Variants in XG observed in about 807,000 individuals in gnomAD.
XG encodes the protein Xg glycoprotein (Xg blood group), also known as glycoprotein Xg.
In XG, 24 loss-of-function variants were observed where a neutral mutation model predicts 25.7. The observed-to-expected ratio is 0.93, with a 90% CI of 0.68 to 1.31. The LOEUF is 1.31. Ranked by LOEUF, XG falls within the 40% of genes most tolerant of loss-of-function variation. The pLI is 0.00. For synonymous variants in XG, 77 were observed against 69.2 expected, an observed-to-expected ratio of 1.11 and a Z score of -0.56; for missense variants, 181 against 187.6, an observed-to-expected ratio of 0.96 and a Z score of 0.21.
At chrX:2,765,877 T>G (rs998175349) in intron 1 of XG, among the ~76,000 whole-genome samples, 10 of 152,230 alleles carry the variant, frequency 6.6e-5, no homozygotes, top group African/African-American at 2.4e-5. Flanking sequence ...TCGTGGCCCC[T>G]GAAGCATTAC....
At chrX:2,753,826 C>A (rs2050380323) in intron 1 of XG, among the ~76,000 whole-genome samples, 1 of 152,090 alleles carries the variant, frequency 6.6e-6, no homozygotes, top group African/African-American at 2.4e-5. Flanking sequence ...TGGTGATCCA[C>A]CGGCCTCCCA....
chrX:2,778,527 G>A (rs924635654), intron 3 of XG, among the ~76,000 whole-genome samples: 14 of 152,122 alleles, frequency 9.2e-5, no homozygotes, highest in Non-Finnish European at 1.8e-4. Context: ...GCGTGACAGA[G>A]CAAGACCCTG....
intron 8 of XG, among the ~76,000 whole-genome samples, chrX:2,807,625 G>T (rs1248291295): frequency 8.9e-6 from 1 of 112,369 alleles, no homozygotes; most frequent in African/African-American, 3.2e-5. Flanking sequence ...TGTGTATGTG[G>T]GGATGTGTGG....
intron 1 of XG, among the ~76,000 whole-genome samples, chrX:2,761,040 G>A (rs191601068): frequency 6.6e-6 from 1 of 152,256 alleles, no homozygotes; most frequent in East Asian, 1.9e-4. Flanking sequence ...CAGCCACAGT[G>A]GACAAACACA....
intron 10 of XG, among the ~76,000 whole-genome samples, chrX:2,814,058 C>T (rs1413523653): frequency 4.5e-5 from 5 of 111,436 alleles, no homozygotes; most frequent in African/African-American, 6.5e-5. Context: ...AATCTATCTC[C>T]TTCTGCCGAA....
intron 4 of XG, among the ~76,000 whole-genome samples, chrX:2,786,277 T>TTTTTTTTTTTTTTTTTTTTTTTTG (rs1487160359): frequency 1.0e-5 from 1 of 96,728 alleles, no homozygotes; most frequent in African/African-American, 3.8e-5. Context: ...TTTTTTTTTT[T>TTTTTTTTTTTTTTTTTTTTTTTTG]CAGACAGAGT....
intron 5 of XG, among the ~76,000 whole-genome samples, chrX:2,790,810 CGGG>C (rs780334216): frequency 9.0e-6 from 1 of 111,018 alleles, no homozygotes; most frequent in East Asian, 2.8e-4. Flanking sequence ...CAAAAAAAGG[CGGG>C]GGGGTGGTTG....
chrX:2,799,827 A>C (rs1380844993), intron 7 of XG, among the ~76,000 whole-genome samples: 2 of 111,539 alleles, frequency 1.8e-5, no homozygotes, highest in East Asian at 5.6e-4. Context: ...AGGATCACAA[A>C]ATTTAATTTC....
In XG at chrX:2,815,182, G is replaced by C. The variant is rs894486330; in HGVS notation, c.*802G>C. The stretch of plus-strand genomic sequence containing the variant: ...TACTCTGTAAGTGCTAGTTCCTAAG[G>C]CACCAACATTGCATTCCTTGGTTTA... On this transcript the variant is annotated 3_prime_UTR_variant, in exon 11 of 11. Coordinates refer to ENST00000644266, the MANE Select transcript of XG (RefSeq NM_001141919.2). The C allele has an allele frequency of 2.7e-5, 3 of 111,251 alleles. No homozygotes were observed. Among genetic ancestry groups the C allele is most frequent in the African/African-American group, 9.8e-5 (3 of 30,613 alleles). The allele number at this position is 111,251 out of a possible 1,213,427, so 9.2% of individuals were successfully genotyped here.
At chrX:2,761,532 A>G (rs1225276309) in intron 1 of XG, among the ~76,000 whole-genome samples, 1 of 152,126 alleles carries the variant, frequency 6.6e-6, no homozygotes, top group Admixed American at 6.5e-5. Context: ...GTGGGGACAC[A>G]GGGAGAAGAT....
intron 4 of XG, among the ~76,000 whole-genome samples, chrX:2,785,907 T>C (rs1340794256): frequency 9.0e-6 from 1 of 111,259 alleles, no homozygotes; most frequent in Non-Finnish European, 1.9e-5. Flanking sequence ...ACCCCAGAGA[T>C]GGAATGTCCT....
intron 3 of XG, among the ~76,000 whole-genome samples, chrX:2,775,419 A>G (rs1162267006): frequency 6.6e-6 from 1 of 152,218 alleles, no homozygotes; most frequent in African/African-American, 2.4e-5. Context: ...TGAAATTTCA[A>G]GAATAGGTGA....
intron 10 of XG, among the ~76,000 whole-genome samples, chrX:2,811,703 C>G (rs1464543515): frequency 1.8e-5 from 2 of 111,727 alleles, no homozygotes; most frequent in Non-Finnish European, 3.8e-5. Flanking sequence ...TCAAGAGATT[C>G]TCTTGCCTCA....
rs1239520438 is a variant in XG, at chrX:2,752,352, T to A, written c.61+17T>A. 2 of 1,612,736 alleles carry A rather than the reference T, an allele frequency of 1.2e-6. No homozygotes were observed. The highest frequency in any genetic ancestry group is 1.3e-5 in the African/African-American group (1 of 74,998). On this transcript the variant is annotated intron_variant, in intron 1 of 10. Coordinates refer to ENST00000644266, the MANE Select transcript of XG (RefSeq NM_001141919.2). ...ACGCCCGAGGTAAGAGGCATTTTGC[T>A]TTGAGGGAGATCTGCCTGGGCATGG...
At chrX:2,801,765 GT>G (rs1369290424) in intron 7 of XG, among the ~76,000 whole-genome samples, 1 of 110,820 alleles carries the variant, frequency 9.0e-6, no homozygotes, top group East Asian at 2.8e-4. Flanking sequence ...CTGGAGTGCA[GT>G]GGCGTCATCT....
At chrX:2,760,119 G>A (rs2050530986) in intron 1 of XG, among the ~76,000 whole-genome samples, 1 of 152,052 alleles carries the variant, frequency 6.6e-6, no homozygotes, top group African/African-American at 2.4e-5. Flanking sequence ...CCATTGCACT[G>A]CAGTGAGCTG....
At chrX:2,767,603 A>G (rs1326198588) in intron 1 of XG, among the ~76,000 whole-genome samples, 1 of 152,182 alleles carries the variant, frequency 6.6e-6, no homozygotes, top group East Asian at 1.9e-4. Context: ...CCGACCTTGG[A>G]GACAGAGACC....
At chrX:2,808,377 A>G in intron 9 of XG, 157 bp downstream of exon 9, 1 of 825,528 alleles carries the variant, frequency 1.2e-6, no homozygotes, top group Non-Finnish European at 1.7e-6. Flanking sequence ...GAATAAAAAT[A>G]TCTGACCTTC....
chrX:2,774,021 C>CCT lies in XG; in HGVS notation c.104-695_104-694insCT, dbSNP rs35305206. On this transcript the variant is annotated intron_variant, in intron 2 of 10. Transcript: ENST00000644266. ...TGAATGTCCGCACCACACACAAACC[C>CCT]GTGTTCCAGCCGCCTCCTACCAAGG... Among the ~76,000 whole-genome samples, 1,049 of 152,220 alleles carry CCT rather than the reference C, an allele frequency of 6.9e-3. 10 individuals carry two copies. The highest frequency in any genetic ancestry group is 0.023 in the African/African-American group (959 of 41,514).
Sources: allele counts gnomAD v4.1 joint callset (sites outside exome capture counted in the v4.1 genomes callset), GRCh38; gene constraint gnomAD v4.1.1; transcripts MANE v1.5; gene names NCBI Gene and HGNC (gene_info 2026-07-23, HGNC 2026-07-21).